Variants in TM4SF4 observed in about 807,000 individuals in gnomAD.
TM4SF4 encodes transmembrane 4 L6 family member 4.
TM4SF4 carries 24 observed loss-of-function variants against 24.1 expected under a neutral mutation model. The ratio of observed to expected loss-of-function variants is 1.00; its 90% CI spans 0.72 to 1.40. TM4SF4 has a LOEUF of 1.40. Ranked by LOEUF, TM4SF4 falls within the 40% of genes most tolerant of loss-of-function variation. The probability of loss-of-function intolerance (pLI) is 0.00; values close to 1 mark genes in which losing one functional copy is unlikely to be tolerated. For synonymous variants in TM4SF4, 113 were observed against 97.0 expected, an observed-to-expected ratio of 1.17 and a Z score of -0.97; for missense variants, 254 against 254.2, an observed-to-expected ratio of 1.00 and a Z score of 0.01.
At chr3:149,489,622 C>T (rs1306028269) in intron 3 of TM4SF4, among the ~76,000 whole-genome samples, 5 of 152,048 alleles carry the variant, frequency 3.3e-5, no homozygotes, top group East Asian at 1.9e-4. Flanking sequence ...GGTCACCACA[C>T]GAAATGCCAA....
At chr3:149,493,548 TA>T (rs1218961432) in intron 3 of TM4SF4, among the ~76,000 whole-genome samples, 4 of 152,176 alleles carry the variant, frequency 2.6e-5, no homozygotes, top group Non-Finnish European at 5.9e-5. Flanking sequence ...TCAAATAAAG[TA>T]GCATCTCCTT....
chr3:149,476,597 T>C lies in TM4SF4; in HGVS notation c.264+685T>C, dbSNP rs535748206. On this transcript the variant is annotated intron_variant, in intron 2 of 4. Coordinates refer to ENST00000305354, the MANE Select transcript of TM4SF4 (RefSeq NM_004617.4). ...ACTGCTCTGCCTCCCTTTGCTCATG[T>C]ATAAAGCAGGAAGCTGGACTAGACC... is the stretch of plus-strand genomic sequence containing the variant. Among the ~76,000 whole-genome samples the C allele has an allele frequency of 3.3e-5, 5 of 152,340 alleles. No homozygotes were observed. In the East Asian group the frequency reaches 9.6e-4, roughly 29 times the overall value.
intron 3 of TM4SF4, among the ~76,000 whole-genome samples, chr3:149,490,120 T>C (rs1734185503): frequency 6.6e-6 from 1 of 152,232 alleles, no homozygotes; most frequent in Non-Finnish European, 1.5e-5. Context: ...CTGCTCTTTG[T>C]GCAAGGTATA....
chr3:149,489,790 C>T (rs994355685), intron 3 of TM4SF4, among the ~76,000 whole-genome samples: 3 of 152,020 alleles, frequency 2.0e-5, no homozygotes, highest in African/African-American at 7.3e-5. Context: ...CAGCAACTAA[C>T]CAGCATCAAG....
chr3:149,492,247 G>A (rs1734222184), intron 3 of TM4SF4, among the ~76,000 whole-genome samples: 1 of 152,184 alleles, frequency 6.6e-6, no homozygotes, highest in Non-Finnish European at 1.5e-5. Flanking sequence ...TGGACTCTGA[G>A]ATTTCGAACT....
intron 2 of TM4SF4, among the ~76,000 whole-genome samples, chr3:149,483,239 A>G (rs1734065094): frequency 6.6e-6 from 1 of 152,208 alleles, no homozygotes; most frequent in Non-Finnish European, 1.5e-5. Flanking sequence ...TACTAGCTGT[A>G]TCTAACTGAA....
chr3:149,479,999 G>A lies in TM4SF4; in HGVS notation c.264+4087G>A, dbSNP rs574952295. Among the ~76,000 whole-genome samples the A allele has an allele frequency of 4.6e-5, 7 of 152,300 alleles. No homozygotes were observed. The East Asian group carries it at 1.2e-3, about 25-fold the overall frequency. On this transcript the variant is annotated intron_variant, in intron 2 of 4. Transcript: ENST00000305354. Reference sequence around the variant, plus strand: ...AGAATCTTGGATCACCTGATTCATAGTTTCTTGGTAAAGCCGAGAAAATGG... The same window carrying A: ...AGAATCTTGGATCACCTGATTCATAATTTCTTGGTAAAGCCGAGAAAATGG...
rs991243951 is a variant in TM4SF4, at chr3:149,493,715, C to A, written c.402-5007C>A. ...GTCTTTGCCCTTGGAAGTTTATCGT[C>A]CTGAAGAGAGGACAAACAAATGGAC... On this transcript the variant is annotated intron_variant, in intron 3 of 4. Transcript: ENST00000305354. 1.4e-4 allele frequency among the ~76,000 whole-genome samples: 21 copies of A among 152,274 alleles called. 1 individual carries two copies. Among genetic ancestry groups the A allele is most frequent in the Middle Eastern group, 6.8e-3 (2 of 294 alleles).
intron 3 of TM4SF4, among the ~76,000 whole-genome samples, chr3:149,497,271 A>T (rs952043496): frequency 3.3e-5 from 5 of 152,230 alleles, no homozygotes; most frequent in African/African-American, 1.2e-4. Flanking sequence ...TAACCCTAAG[A>T]TATGATAATG....
intron 3 of TM4SF4, among the ~76,000 whole-genome samples, chr3:149,496,879 A>AAC (rs1553783624): frequency 1.3e-5 from 2 of 151,874 alleles, no homozygotes; most frequent in East Asian, 1.9e-4. Context: ...TAAAAAAAAA[A>AAC]AAAACTGATG....
rs535145637 is a variant in TM4SF4, at chr3:149,492,041, T to C, written c.401+4286T>C. On this transcript the variant is annotated intron_variant, in intron 3 of 4. Coordinates refer to ENST00000305354, the MANE Select transcript of TM4SF4 (RefSeq NM_004617.4). ...CTACTTTGGACTTTTAGAGGCATGA[T>C]GGTTCTAGTGATGTGGAAAGTGAAT... is the stretch of plus-strand genomic sequence containing the variant. Among the ~76,000 whole-genome samples the C allele has an allele frequency of 1.2e-4, 19 of 152,262 alleles. No individual in the cohort carries two copies. In the South Asian group the frequency reaches 3.9e-3, roughly 32 times the overall value.
At chr3:149,483,943 G>T (rs2107869083) in intron 2 of TM4SF4, among the ~76,000 whole-genome samples, 1 of 152,092 alleles carries the variant, frequency 6.6e-6, no homozygotes, top group Admixed American at 6.5e-5. Flanking sequence ...ACCATGCCTG[G>T]CTAATTTTTG....
At chr3:149,498,605 G>T in intron 3 of TM4SF4, 117 bp from the exon 4 acceptor site, 2 of 861,612 alleles carry the variant, frequency 2.3e-6, no homozygotes, top group Non-Finnish European at 1.8e-6. Context: ...GTATTTTCTC[G>T]TGAAGCTAGT....
In TM4SF4 at chr3:149,497,837, G is replaced by A. The variant is rs1013387011; in HGVS notation, c.402-885G>A. Among the ~76,000 whole-genome samples the A allele has an allele frequency of 5.9e-5, 9 of 152,166 alleles. 1 individual carries two copies. Among genetic ancestry groups the A allele is most frequent in the Admixed American group, 5.2e-4 (8 of 15,286 alleles). ...TTTTTGTATTTTTAGAAGAGACAGG[G>A]TTTTGCCATGTTGGCCAGGCTGGTC... On this transcript the variant is annotated intron_variant, in intron 3 of 4. Coordinates refer to ENST00000305354, the MANE Select transcript of TM4SF4 (RefSeq NM_004617.4).
intron 2 of TM4SF4, among the ~76,000 whole-genome samples, chr3:149,482,497 A>G (rs1481808243): frequency 1.3e-5 from 2 of 152,124 alleles, no homozygotes; most frequent in East Asian, 1.9e-4. Flanking sequence ...AATAATACCA[A>G]TTTTGAAGTG....
rs201188399 is a variant in TM4SF4, at chr3:149,487,611, T to C, written c.265-8T>C. On this transcript the variant is annotated splice_region_variant and splice_polypyrimidine_tract_variant and intron_variant, in intron 2 of 4. Coordinates refer to ENST00000305354, the MANE Select transcript of TM4SF4 (RefSeq NM_004617.4). ...GAGAATGTGACTGTCTCTCTTCCTC[T>C]CTTTCAGATGTTCACCTCCACGATA... is the stretch of plus-strand genomic sequence containing the variant. The C allele has an allele frequency of 1.5e-5, 24 of 1,613,990 alleles. No homozygotes were observed. The East Asian group carries it at 3.6e-4, about 24-fold the overall frequency.
In TM4SF4 at chr3:149,498,854, G is replaced by A. The variant is rs765114167; in HGVS notation, c.534G>A (p.Val178=). 6.2e-7 allele frequency: 1 copy of A among 1,614,016 alleles called. No homozygotes were observed. The highest frequency in any genetic ancestry group is 8.5e-7 in the Non-Finnish European group (1 of 1,179,896). ...GIQMVLCAIQ[V]VNGLLGTLCG... Reference sequence around the variant, plus strand: ...AGATGGTTCTCTGCGCCATCCAGGTGGTCAATGGCCTCCTGGGGACCCTCT... The same window carrying A: ...AGATGGTTCTCTGCGCCATCCAGGTAGTCAATGGCCTCCTGGGGACCCTCT... The change falls in exon 4 of 5, where the codon GTG becomes GTA. Residue 178 remains valine, a synonymous_variant. Coordinates refer to ENST00000305354, the MANE Select transcript of TM4SF4 (RefSeq NM_004617.4).
At chr3:149,497,204 A>G (rs1734326856) in intron 3 of TM4SF4, among the ~76,000 whole-genome samples, 1 of 152,328 alleles carries the variant, frequency 6.6e-6, no homozygotes, top group East Asian at 1.9e-4. Context: ...AGGACTTACT[A>G]TATGCTAAGC....
At chr3:149,476,476 G>A (rs181872252) in intron 2 of TM4SF4, among the ~76,000 whole-genome samples, 66 of 107,676 alleles carry the variant, frequency 6.1e-4, no homozygotes, top group African/African-American at 2.0e-3. Context: ...CATCGATCTT[G>A]AACTAGAGAC....
Sources: allele counts gnomAD v4.1 joint callset (sites outside exome capture counted in the v4.1 genomes callset), GRCh38; gene constraint gnomAD v4.1.1; transcripts MANE v1.5; gene names NCBI Gene and HGNC (gene_info 2026-07-23, HGNC 2026-07-21).